The following NAMPT variants were observed in gnomAD, a reference collection of about 807,000 sequenced individuals.
The protein encoded by NAMPT is NAmPRTase.
In NAMPT, 7 loss-of-function variants were observed where a neutral mutation model predicts 58.7. That is an observed-to-expected ratio of 0.12 (90% CI 0.07 to 0.22). The LOEUF is 0.22. Among genes scored for constraint, NAMPT ranks in the 10% least tolerant of loss-of-function variants. The pLI is 1.00. For synonymous variants in NAMPT, 145 were observed against 198.1 expected (o/e 0.73, Z 2.25); for missense variants, 271 against 567.9 (o/e 0.48, Z 5.31).
chr7:106,261,784 T>C (rs1179869400), intron 7 of NAMPT, 77 bp from the exon 8 acceptor site: 1 of 1,455,874 alleles, frequency 6.9e-7, no homozygotes, highest in Admixed American at 1.9e-5. Flanking sequence ...AGTTAAATGA[T>C]TTTGCTTTGA....
chr7:106,284,681 G>A (rs1485269897), intron 1 of NAMPT, 147 bp downstream of exon 1: 3 of 976,752 alleles, frequency 3.1e-6, no homozygotes, highest in Admixed American at 5.0e-5. Context: ...AGCCGCCGCC[G>A]CCCGCGCCTC....
At chr7:106,258,553 A>G (rs902600648) in intron 8 of NAMPT, among the ~76,000 whole-genome samples, 1 of 152,168 alleles carries the variant, frequency 6.6e-6, no homozygotes, top group Non-Finnish European at 1.5e-5. Context: ...ACGAGGCAAA[A>G]ATTTTAAGAC....
chr7:106,284,725 A>AC, intron 1 of NAMPT, 103 bp downstream of exon 1: 3 of 183,840 alleles, frequency 1.6e-5, no homozygotes, highest in Non-Finnish European at 2.3e-5. Flanking sequence ...CCCTAGCCCC[A>AC]GCCCCAGCCC....
chr7:106,281,379 A>T (rs1792761138), intron 1 of NAMPT, among the ~76,000 whole-genome samples: 1 of 152,206 alleles, frequency 6.6e-6, no homozygotes, highest in Non-Finnish European at 1.5e-5. Context: ...ATGGGATCAC[A>T]TGACCAAATG....
At chr7:106,252,576 G>T (rs1792122205) in intron 10 of NAMPT, among the ~76,000 whole-genome samples, 1 of 151,954 alleles carries the variant, frequency 6.6e-6, no homozygotes, top group African/African-American at 2.4e-5. Flanking sequence ...AAATATAAAT[G>T]TACTTTTGTA....
chr7:106,277,531 C>G (rs914002428), intron 1 of NAMPT, among the ~76,000 whole-genome samples: 1 of 152,162 alleles, frequency 6.6e-6, no homozygotes, highest in African/African-American at 2.4e-5. Flanking sequence ...AAGGAATGAA[C>G]TGAAAGACAG....
chr7:106,283,556 C>G (rs952535217), intron 1 of NAMPT, among the ~76,000 whole-genome samples: 1 of 151,982 alleles, frequency 6.6e-6, no homozygotes, highest in African/African-American at 2.4e-5. Context: ...ATGATTGAAC[C>G]AAGAGAACAC....
In NAMPT at chr7:106,269,296, G is replaced by C; in HGVS notation, c.464C>G (p.Ser155Cys). Residue 155 changes from serine to cysteine, a missense_variant, in exon 5 of 11, where the codon TCC becomes TGC. Physicochemically the swap from Ser to Cys is moderately radical, Grantham distance 112. Around this residue, in one of 4 missense-constraint regions of NAMPT, gnomAD observed 103 missense variants for 194.2 expected, o/e 0.53. Transcript: ENST00000222553. Reference sequence around the variant, plus strand: ...TGTGGCCACTGTGATTGGATACCAGGACTGAACAAGAATAGTCTGTAGTAA... The same window carrying C: ...TGTGGCCACTGTGATTGGATACCAGCACTGAACAAGAATAGTCTGTAGTAA... ...TNWIETILVQ[S>C]WYPITVATNS... 4.3e-6 allele frequency: 7 copies of C among 1,612,880 alleles called. No homozygotes were observed. The highest frequency in any genetic ancestry group is 5.9e-6 in the Non-Finnish European group (7 of 1,179,122).
intron 6 of NAMPT, among the ~76,000 whole-genome samples, chr7:106,266,344 C>T (rs771696649): frequency 1.2e-4 from 19 of 152,126 alleles, no homozygotes; most frequent in Non-Finnish European, 2.2e-4. Flanking sequence ...CCTTGTCCTC[C>T]GTATCATGAT....
At chr7:106,251,272 C>T (rs1044626436) in intron 10 of NAMPT, 79 bp from the exon 11 acceptor site, 4 of 905,296 alleles carry the variant, frequency 4.4e-6, no homozygotes, top group Non-Finnish European at 7.3e-6. Flanking sequence ...ATTAGACTAA[C>T]CAACCAGTCA....
chr7:106,252,179 TTTTAGTTTGAA>T (rs1474521169), intron 10 of NAMPT, among the ~76,000 whole-genome samples: 4 of 152,100 alleles, frequency 2.6e-5, no homozygotes, highest in Admixed American at 6.6e-5. Context: ...AGATTTTTAC[TTTTAGTTTGAA>T]GTGACTTTAG....
chr7:106,256,120 T>A (rs1418666399), intron 8 of NAMPT, among the ~76,000 whole-genome samples: 1 of 152,234 alleles, frequency 6.6e-6, no homozygotes, highest in African/African-American at 2.4e-5. Flanking sequence ...CCAACTCTGA[T>A]AATGCAATAC....
chr7:106,285,333 C>T (rs529664046), upstream of NAMPT: 2 of 470,302 alleles, frequency 4.3e-6, no homozygotes, highest in Non-Finnish European at 5.6e-6. Flanking sequence ...TTCGAGTTCC[C>T]GGCACGGGCG....
intron 8 of NAMPT, among the ~76,000 whole-genome samples, chr7:106,256,395 TC>T: frequency 6.6e-6 from 1 of 152,198 alleles, no homozygotes; most frequent in Non-Finnish European, 1.5e-5. Context: ...GAGGCTGACG[TC>T]AAGGAAGAAA....
intron 2 of NAMPT, 172 bp from the exon 3 acceptor site, chr7:106,275,221 A>G: frequency 2.4e-6 from 1 of 416,856 alleles, no homozygotes. Flanking sequence ...AGGAATTTGT[A>G]CTTTTAATAA....
chr7:106,264,291 T>C (rs945447523), intron 6 of NAMPT, among the ~76,000 whole-genome samples: 1 of 152,080 alleles, frequency 6.6e-6, no homozygotes, highest in Non-Finnish European at 1.5e-5. Flanking sequence ...ATAATTAAGA[T>C]GGAAAATAAA....
chr7:106,276,966 T>A, intron 2 of NAMPT, 57 bp downstream of exon 2: 2 of 1,339,504 alleles, frequency 1.5e-6, no homozygotes, highest in Non-Finnish European at 2.1e-6. Flanking sequence ...CTAAAAGAAC[T>A]CCTAAAGGAG....
At chr7:106,251,295 C>G (rs535653622) in intron 10 of NAMPT, 102 bp from the exon 11 acceptor site, 24 of 729,324 alleles carry the variant, frequency 3.3e-5, no homozygotes, top group Admixed American at 2.5e-4. Flanking sequence ...TACAGAGATG[C>G]CAATGGTGTT....
chr7:106,263,640 A>G (rs1157841796), intron 6 of NAMPT, 23 bp from the exon 7 acceptor site: 1 of 1,552,774 alleles, frequency 6.4e-7, no homozygotes, highest in East Asian at 2.2e-5. Context: ...ATGAAAACAC[A>G]GATTTACTTA....
Sources: gnomAD v4.1 joint callset for allele counts (sites outside exome capture counted in the v4.1 genomes callset) on GRCh38, gnomAD v4.1.1 for gene constraint, gnomAD v4.1.1 regional missense constraint, MANE v1.5 for transcripts, NCBI Gene and HGNC (gene_info 2026-07-23, HGNC 2026-07-21) for gene names.